Variants in RFXANK observed in about 807,000 individuals in gnomAD.
The protein encoded by RFXANK is regulatory factor X associated ankyrin containing protein.
Under a neutral mutation model 34.5 loss-of-function variants are expected in RFXANK, and 19 were observed. The ratio of observed to expected loss-of-function variants is 0.55; its 90% CI spans 0.38 to 0.81. The LOEUF is 0.81. Ranked by LOEUF, RFXANK falls within the 30% of genes least tolerant of loss-of-function variation. RFXANK has a pLI of 0.00. For synonymous variants in RFXANK, 154 were observed against 149.8 expected, an observed-to-expected ratio of 1.03 and a Z score of -0.20; for missense variants, 295 against 343.5, an observed-to-expected ratio of 0.86 and a Z score of 1.12.
intron 2 of RFXANK, 81 bp downstream of exon 2, chr19:19,193,181 A>T (rs1660522254): frequency 6.6e-6 from 1 of 152,190 alleles, no homozygotes; most frequent in Admixed American, 6.6e-5. Flanking sequence ...GTCACTCATT[A>T]TGGGGAGCCC....
Position 19,198,190 on chromosome 19 carries a change from G to A in RFXANK, c.522G>A (p.Gly174=). 5 of 1,614,160 alleles carry A rather than the reference G, an allele frequency of 3.1e-6. No homozygotes were observed. Among genetic ancestry groups the A allele is most frequent in the Non-Finnish European group, 8.5e-7 (1 of 1,180,030 alleles). The change falls in exon 7 of 10, where the codon GGG becomes GGA. Residue 174 remains glycine, a synonymous_variant. Transcript: ENST00000303088. ...CAGGCGGCTACACAGACATTGTGGGGCTGCTGCTGGAGCGTGACGTGGACA... is the reference window on the plus strand; with the variant it reads ...CAGGCGGCTACACAGACATTGTGGGACTGCTGCTGGAGCGTGACGTGGACA... The part of the protein sequence containing the change: ...ASTGGYTDIV[G]LLLERDVDIN...
intron 3 of RFXANK, among the ~76,000 whole-genome samples, chr19:19,194,340 C>A (rs1000845176): frequency 8.5e-5 from 13 of 152,186 alleles, no homozygotes; most frequent in African/African-American, 3.1e-4. Flanking sequence ...TCAACTGATT[C>A]TCCTGTCTCA....
chr19:19,198,250 C>T lies in RFXANK; in HGVS notation c.564+18C>T, dbSNP rs758318273. The T allele has an allele frequency of 5.0e-6, 8 of 1,613,868 alleles. No individual in the cohort carries two copies. The highest frequency in any genetic ancestry group is 1.6e-4 in the Middle Eastern group (1 of 6,084). ...ATGATTGGGTGAGGGACTGCCCATC[C>T]CCAGGACCTCTCAGCCTCCTGGCCT... is the stretch of plus-strand genomic sequence containing the variant. On this transcript the variant is annotated intron_variant, in intron 7 of 9. Coordinates refer to ENST00000303088, the MANE Select transcript of RFXANK (RefSeq NM_003721.4).
At position 19,197,618 on chromosome 19, in the gene RFXANK, G is replaced by A. The variant is rs745873778; in HGVS notation, c.435G>A (p.Glu145=). The change falls in exon 6 of 10, where the codon GAG becomes GAA. Residue 145 remains glutamate, a synonymous_variant. Coordinates refer to ENST00000303088, the MANE Select transcript of RFXANK (RefSeq NM_003721.4). ...GEIETVRFLL[E]WGADPHILAK... ...TTGAGACCGTTCGCTTCCTGCTGGA[G>A]TGGGTGCGTCCCAGCCCAGCTGGGC... is the stretch of plus-strand genomic sequence containing the variant. 1.9e-6 allele frequency: 3 copies of A among 1,613,556 alleles called. No homozygotes were observed. Among genetic ancestry groups the A allele is most frequent in the Admixed American group, 3.3e-5 (2 of 60,020 alleles).
intron 2 of RFXANK, 50 bp from the exon 3 acceptor site, chr19:19,193,889 A>G (rs2060546018): frequency 1.3e-6 from 2 of 1,598,386 alleles, no homozygotes; most frequent in South Asian, 1.1e-5. Context: ...CTACTTTATT[A>G]TAACTGTTGA....
chr19:19,197,626 G>C lies in RFXANK; in HGVS notation c.438+5G>C. ...GTTCGCTTCCTGCTGGAGTGGGTGC[G>C]TCCCAGCCCAGCTGGGCAGCTGGGG... On this transcript the variant is annotated splice_donor_5th_base_variant and intron_variant, in intron 6 of 9. Coordinates refer to ENST00000303088, the MANE Select transcript of RFXANK (RefSeq NM_003721.4). 6.2e-7 allele frequency: 1 copy of C among 1,612,964 alleles called. No homozygotes were observed. The highest frequency in any genetic ancestry group is 8.5e-7 in the Non-Finnish European group (1 of 1,179,514).
chr19:19,201,050 C>T (rs1196410754), intron 9 of RFXANK, among the ~76,000 whole-genome samples: 1 of 152,066 alleles, frequency 6.6e-6, no homozygotes, highest in Non-Finnish European at 1.5e-5. Flanking sequence ...CCACCCGCCT[C>T]AGCTTCCCAA....
intron 7 of RFXANK, 44 bp from the exon 8 acceptor site, chr19:19,198,613 G>C (rs2060642115): frequency 6.2e-7 from 1 of 1,604,260 alleles, no homozygotes; most frequent in African/African-American, 1.3e-5. Context: ...TTGAGAATGA[G>C]GAAGAGGTAA....
chr19:19,197,563 C>A lies in RFXANK; in HGVS notation c.380C>A (p.Pro127His), dbSNP rs2060623200. Reference protein sequence around the residue: ...VNKPDERGFTPLIWASAFGEI... With the variant: ...VNKPDERGFTHLIWASAFGEI... ...AAGCCAGACGAGCGCGGCTTCACCC[C>A]CCTCATCTGGGCCTCCGCCTTTGGA... Residue 127 changes from proline to histidine, a missense_variant, in exon 6 of 10, where the codon CCC becomes CAC. Pro to His is a moderately conservative substitution (Grantham distance 77, BLOSUM62 -2). Transcript: ENST00000303088. 1.2e-6 allele frequency: 2 copies of A among 1,613,944 alleles called. No homozygotes were observed. The highest frequency in any genetic ancestry group is 2.2e-5 in the East Asian group (1 of 44,876).
intron 3 of RFXANK, among the ~76,000 whole-genome samples, chr19:19,195,555 C>A (rs1026786919): frequency 2.0e-5 from 3 of 151,704 alleles, no homozygotes; most frequent in African/African-American, 7.3e-5. Context: ...TTGCCCGCCT[C>A]GGCCTCCCAA....
chr19:19,199,341 G>C (rs915646876), intron 9 of RFXANK, 107 bp downstream of exon 9: 9 of 1,099,350 alleles, frequency 8.2e-6, no homozygotes, highest in Admixed American at 5.1e-5. Flanking sequence ...GGCAGCGAGA[G>C]TGTGTTGACA....
intron 7 of RFXANK, 51 bp downstream of exon 7, chr19:19,198,283 T>G: frequency 6.2e-7 from 1 of 1,611,012 alleles, no homozygotes; most frequent in South Asian, 1.1e-5. Flanking sequence ...CCTTCATTCC[T>G]GCCTCAAATG....
chr19:19,192,950 G>C lies in RFXANK; in HGVS notation c.-149-10G>C, dbSNP rs2060515200. The stretch of plus-strand genomic sequence containing the variant: ...GCGGTCGAGTATCAAGTTGCTTTCT[G>C]TCCCGGCAGAGGAAGCCAGATCGCT... On this transcript the variant is annotated splice_polypyrimidine_tract_variant and intron_variant, in intron 1 of 9. Coordinates refer to ENST00000303088, the MANE Select transcript of RFXANK (RefSeq NM_003721.4). The C allele has an allele frequency of 6.6e-6, 1 of 152,442 alleles. No homozygotes were observed. The highest frequency in any genetic ancestry group is 1.5e-5 in the Non-Finnish European group (1 of 68,180). 9.4% of individuals were successfully genotyped at this position (152,442 alleles called of 1,614,324 possible). A position where few individuals can be genotyped will look rare whatever the true frequency, so the allele number is the denominator to read the frequency against.
chr19:19,197,499 A>G (rs1255887261), intron 5 of RFXANK, 22 bp from the exon 6 acceptor site: 2 of 1,611,036 alleles, frequency 1.2e-6, no homozygotes, highest in Admixed American at 3.4e-5. Context: ...GCCTGGTGGT[A>G]TTGCCCGCCT....
intron 7 of RFXANK, 136 bp from the exon 8 acceptor site, chr19:19,198,521 T>C: frequency 8.9e-7 from 1 of 1,127,980 alleles, no homozygotes; most frequent in South Asian, 1.3e-5. Flanking sequence ...GTGTCTAAGC[T>C]TGAGACCCCA....
rs760492401 is a variant in RFXANK at position 19,199,190 on chromosome 19, G to C, written c.668G>C (p.Gly223Ala). The change falls in exon 9 of 10, where the codon GGC becomes GCC. Residue 223 changes from glycine to alanine, a missense_variant. Coordinates refer to ENST00000303088, the MANE Select transcript of RFXANK (RefSeq NM_003721.4). The part of the protein sequence containing the change: ...GADLTTEADS[G>A]YTPMDLAVAL... ...GACCTCACCACCGAAGCCGACTCTGGCTACACCCCGATGGACCTTGCCGTG... is the reference window on the plus strand; with the variant it reads ...GACCTCACCACCGAAGCCGACTCTGCCTACACCCCGATGGACCTTGCCGTG... The C allele has an allele frequency of 5.0e-6, 8 of 1,613,882 alleles. No individual in the cohort carries two copies. In the African/African-American group the frequency reaches 5.3e-5, roughly 11 times the overall value.
intron 9 of RFXANK, chr19:19,201,416 T>G: frequency 7.0e-7 from 1 of 1,434,856 alleles, no homozygotes; most frequent in Non-Finnish European, 9.5e-7. Context: ...ACATTTTGCT[T>G]GGTAGGAAAT....
At position 19,194,068 on chromosome 19, in the gene RFXANK, GTC is replaced by G; in HGVS notation, c.126_127del (p.Phe43SerfsTer5). The G allele has an allele frequency of 6.2e-7, 1 of 1,614,138 alleles. No individual in the cohort carries two copies. The highest frequency in any genetic ancestry group is 8.5e-7 in the Non-Finnish European group (1 of 1,180,016). ...GATGGCTCAGACACTGTGGTCCTCA[GTC>G]TCTTTCCCTGCACCCCTGAGCCTGT... On this transcript the variant is annotated frameshift_variant, in exon 3 of 10. Transcript: ENST00000303088. LOFTEE classifies it high-confidence loss of function.
rs1303463592 is a variant in RFXANK, at chr19:19,194,042, A to C, written c.96A>C (p.Ala32=). The change falls in exon 3 of 10, where the codon GCA becomes GCC. Residue 32 remains alanine, a synonymous_variant. Transcript: ENST00000303088. The part of the protein sequence containing the change: ...GDPEDPGEEA[A]DGSDTVVLSL... Reference sequence around the variant, plus strand: ...CTGAAGACCCCGGAGAGGAGGCTGCAGATGGCTCAGACACTGTGGTCCTCA... The same window carrying C: ...CTGAAGACCCCGGAGAGGAGGCTGCCGATGGCTCAGACACTGTGGTCCTCA... 1.9e-6 allele frequency: 3 copies of C among 1,614,080 alleles called. No individual in the cohort carries two copies. The highest frequency in any genetic ancestry group is 2.5e-6 in the Non-Finnish European group (3 of 1,180,036).
Sources: allele counts gnomAD v4.1 joint callset (sites outside exome capture counted in the v4.1 genomes callset), GRCh38; gene constraint gnomAD v4.1.1; transcripts MANE v1.5; gene names NCBI Gene and HGNC (gene_info 2026-07-23, HGNC 2026-07-21).